MRE11: variants seen among roughly 807,000 people sequenced by gnomAD.
MRE11 encodes MRE11 double strand break repair nuclease.
MRE11 carries 62 observed loss-of-function variants against 91.7 expected under a neutral mutation model. That is an observed-to-expected ratio of 0.68 (90% confidence interval 0.55 to 0.84). The LOEUF (loss-of-function observed/expected upper bound fraction) is 0.84. Ranked by LOEUF, MRE11 falls within the 40% of genes least tolerant of loss-of-function variation. The probability of loss-of-function intolerance (pLI) is 0.00; values close to 1 mark genes in which losing one functional copy is unlikely to be tolerated. For missense variants in MRE11, 796 were observed against 852.9 expected (o/e 0.93, Z 0.83); for synonymous variants, 273 against 271.4 (o/e 1.01, Z -0.06).
chr11:94,479,933 T>C (rs535726162), intron 4 of MRE11, among the ~76,000 whole-genome samples, 172 bp from the exon 5 acceptor site: 1 of 152,246 alleles, frequency 6.6e-6, no homozygotes, highest in African/African-American at 2.4e-5. Context: ...TTCATTTCAA[T>C]TAGTTTGAAA....
intron 19 of MRE11, among the ~76,000 whole-genome samples, chr11:94,426,061 T>C (rs1024552772): frequency 6.6e-6 from 1 of 152,158 alleles, no homozygotes; most frequent in Non-Finnish European, 1.5e-5. Context: ...TATTCTAAGA[T>C]AGATCACGTG....
chr11:94,470,034 T>C (rs1946665349), intron 9 of MRE11, among the ~76,000 whole-genome samples: 1 of 152,084 alleles, frequency 6.6e-6, no homozygotes, highest in South Asian at 2.1e-4. Flanking sequence ...AAACACATTT[T>C]TCACATTTCA....
Position 94,418,643 on chromosome 11 carries a change from C to T in MRE11, c.*1482G>A. On this transcript the variant is annotated 3_prime_UTR_variant, in exon 20 of 20. Transcript: ENST00000323929. ...ACAGCACTGCTCTTCCCTGACTTAA[C>T]CTTCTGCTTTGTTCAAATACTAGAA... 1 of 232,452 alleles carries T rather than the reference C, an allele frequency of 4.3e-6. No individual in the cohort carries two copies. Among genetic ancestry groups the T allele is most frequent in the Non-Finnish European group, 8.5e-6 (1 of 117,560 alleles). The allele number at this position is 232,452 out of a possible 1,614,324, so 14.4% of individuals were successfully genotyped here. A position where few individuals can be genotyped will look rare whatever the true frequency, so the allele number is the denominator to read the frequency against.
upstream of MRE11, among the ~76,000 whole-genome samples, chr11:94,494,950 A>C (rs1947389281): frequency 6.6e-6 from 1 of 152,218 alleles, no homozygotes; most frequent in African/African-American, 2.4e-5. Context: ...AATCAAAGAA[A>C]AAGTGGAAGC....
intron 16 of MRE11, among the ~76,000 whole-genome samples, chr11:94,438,232 T>A (rs1435661927): frequency 6.6e-6 from 1 of 152,178 alleles, no homozygotes; most frequent in Non-Finnish European, 1.5e-5. Context: ...ATATCAAAAA[T>A]ATCTTCCCCA....
In MRE11 at chr11:94,417,075, C is replaced by G. The variant is rs1945047868; in HGVS notation, c.*3050G>C. 1 of 154,054 alleles carries G rather than the reference C, an allele frequency of 6.5e-6. No individual in the cohort carries two copies. The highest frequency in any genetic ancestry group is 6.5e-5 in the Admixed American group (1 of 15,284). The allele number at this position is 154,054 out of a possible 1,614,324, so 9.5% of individuals were successfully genotyped here. On this transcript the variant is annotated 3_prime_UTR_variant, in exon 20 of 20. Transcript: ENST00000323929. ...CACTGCAACCTCTGCCTCCTGGGTT[C>G]AAGCGATTCTCCTGCCTCAGCCTCC...
chr11:94,474,255 G>A (rs1000227197), intron 7 of MRE11, among the ~76,000 whole-genome samples: 2 of 152,050 alleles, frequency 1.3e-5, no homozygotes, highest in African/African-American at 2.4e-5. Context: ...CATTACAAGA[G>A]CCAAGAGCCT....
chr11:94,460,710 C>T (rs1040891640), intron 12 of MRE11, among the ~76,000 whole-genome samples: 1 of 152,116 alleles, frequency 6.6e-6, no homozygotes. Context: ...ACAACATCAA[C>T]AATAACAGCT....
At chr11:94,472,137 CAAGT>C (rs1946733456) in intron 7 of MRE11, among the ~76,000 whole-genome samples, 1 of 151,958 alleles carries the variant, frequency 6.6e-6, no homozygotes, top group African/African-American at 2.4e-5. Flanking sequence ...ACAGAAAATG[CAAGT>C]AAGTATAAAT....
the MRE11 span, among the ~76,000 whole-genome samples, chr11:94,502,809 G>A: frequency 6.6e-6 from 1 of 152,090 alleles, no homozygotes; most frequent in Non-Finnish European, 1.5e-5. Flanking sequence ...AAGTAGTTGG[G>A]ATTACAGGCG....
intron 18 of MRE11, among the ~76,000 whole-genome samples, chr11:94,434,849 G>A (rs763182245): frequency 2.6e-5 from 4 of 152,162 alleles, no homozygotes; most frequent in Admixed American, 6.5e-5. Flanking sequence ...CCTGAAGGCA[G>A]AGGCCATATT....
intron 19 of MRE11, among the ~76,000 whole-genome samples, chr11:94,420,827 T>A (rs917407891): frequency 6.6e-6 from 1 of 152,106 alleles, no homozygotes; most frequent in Non-Finnish European, 1.5e-5. Flanking sequence ...GGTCAGGAGA[T>A]CGAGACCATC....
At chr11:94,478,709 T>C (rs996789155) in intron 6 of MRE11, 26 bp downstream of exon 6, 16 of 1,610,758 alleles carry the variant, frequency 9.9e-6, no homozygotes, top group Non-Finnish European at 1.3e-5. Context: ...CACATGGACA[T>C]AAACAGTAAA....
chr11:94,498,450 T>G (rs1322710912), upstream of MRE11: 1 of 1,613,922 alleles, frequency 6.2e-7, no homozygotes, highest in South Asian at 1.1e-5. Flanking sequence ...GAAACTGCAT[T>G]TGATATTGCC....
At chr11:94,482,729 T>C (rs1947042954) in intron 4 of MRE11, among the ~76,000 whole-genome samples, 1 of 151,000 alleles carries the variant, frequency 6.6e-6, no homozygotes, top group African/African-American at 2.4e-5. Context: ...AGGTCAGGAG[T>C]TCAAGACCAG....
intron 14 of MRE11, among the ~76,000 whole-genome samples, chr11:94,448,262 A>G (rs931021765): frequency 3.9e-5 from 6 of 152,092 alleles, no homozygotes; most frequent in Non-Finnish European, 5.9e-5. Flanking sequence ...ATGAGTAACA[A>G]TCTCTCACAA....
At chr11:94,481,040 G>A (rs981189290) in intron 4 of MRE11, among the ~76,000 whole-genome samples, 1 of 152,170 alleles carries the variant, frequency 6.6e-6, no homozygotes, top group African/African-American at 2.4e-5. Flanking sequence ...CGGATGCGGT[G>A]GCTCACATCT....
intron 4 of MRE11, among the ~76,000 whole-genome samples, chr11:94,482,765 C>T (rs1423922096): frequency 1.3e-5 from 2 of 152,110 alleles, no homozygotes. Flanking sequence ...GAAACCCCGT[C>T]TCTACTAAAA....
At chr11:94,457,154 G>A (rs1006955078) in intron 13 of MRE11, among the ~76,000 whole-genome samples, 2 of 152,176 alleles carry the variant, frequency 1.3e-5, no homozygotes, top group Admixed American at 1.3e-4. Context: ...CAGTGAGGCA[G>A]GAAGATAACA....
Sources: allele counts gnomAD v4.1 joint callset (sites outside exome capture counted in the v4.1 genomes callset), GRCh38; gene constraint gnomAD v4.1.1; transcripts MANE v1.5; gene names NCBI Gene and HGNC (gene_info 2026-07-23, HGNC 2026-07-21).